The following WDR70 variants were observed in gnomAD, a reference collection of about 807,000 sequenced individuals.
WDR70 encodes the protein WD repeat-containing protein 70.
Under a neutral mutation model 88.6 loss-of-function variants are expected in WDR70, and 53 were observed. The ratio of observed to expected loss-of-function variants is 0.60; its 90% CI spans 0.48 to 0.75. The LOEUF (loss-of-function observed/expected upper bound fraction) is 0.75, where lower values mean the gene tolerates loss of function less well. Among genes scored for constraint, WDR70 ranks in the 30% least tolerant of loss-of-function variants. WDR70 has a pLI of 0.00. For missense variants in WDR70, 610 were observed against 823.2 expected, an observed-to-expected ratio of 0.74 and a Z score of 3.17; for synonymous variants, 280 against 270.0, an observed-to-expected ratio of 1.04 and a Z score of -0.36.
intron 8 of WDR70, among the ~76,000 whole-genome samples, chr5:37,483,095 G>T (rs1455427611): frequency 6.8e-6 from 1 of 146,168 alleles, no homozygotes; most frequent in Non-Finnish European, 1.5e-5. Context: ...AAAGAAAGTG[G>T]TCTCAGTTTT....
intron 4 of WDR70, among the ~76,000 whole-genome samples, chr5:37,396,056 C>A (rs1342240238): frequency 2.6e-5 from 4 of 152,196 alleles, no homozygotes; most frequent in Non-Finnish European, 5.9e-5. Flanking sequence ...GCCTTGGTCC[C>A]TGAAAGTGCT....
At chr5:37,418,530 C>T (rs1487101321) in intron 5 of WDR70, among the ~76,000 whole-genome samples, 13 of 152,022 alleles carry the variant, frequency 8.6e-5, no homozygotes, top group Admixed American at 8.5e-4. Flanking sequence ...CCGTGTTAGC[C>T]AGGATGGTAA....
At chr5:37,491,535 A>G (rs1740069028) in intron 8 of WDR70, among the ~76,000 whole-genome samples, 1 of 152,228 alleles carries the variant, frequency 6.6e-6, no homozygotes, top group Non-Finnish European at 1.5e-5. Context: ...AGGATACCTC[A>G]GAATGCTTGG....
chr5:37,550,293 CTTG>C (rs1205927223), intron 9 of WDR70, among the ~76,000 whole-genome samples: 1 of 152,068 alleles, frequency 6.6e-6, no homozygotes, highest in African/African-American at 2.4e-5. Context: ...CAAAATTATT[CTTG>C]TTATTAATTT....
intron 8 of WDR70, among the ~76,000 whole-genome samples, chr5:37,516,231 T>C (rs771888501): frequency 4.6e-5 from 7 of 152,238 alleles, no homozygotes; most frequent in Non-Finnish European, 7.3e-5. Context: ...AGAAAGGATG[T>C]CATTTTCCTC....
chr5:37,544,681 TTG>T (rs1741933433), intron 9 of WDR70, among the ~76,000 whole-genome samples: 1 of 152,212 alleles, frequency 6.6e-6, no homozygotes, highest in Non-Finnish European at 1.5e-5. Flanking sequence ...GGGATAATAC[TTG>T]ATTCCCAAGA....
At chr5:37,725,192 T>A in intron 16 of WDR70, 142 bp downstream of exon 16, 1 of 667,550 alleles carries the variant, frequency 1.5e-6, no homozygotes. Context: ...AATGTTTTCT[T>A]TTTAGTAACA....
At chr5:37,587,036 C>T (rs1000552400) in intron 9 of WDR70, among the ~76,000 whole-genome samples, 1 of 152,144 alleles carries the variant, frequency 6.6e-6, no homozygotes, top group Admixed American at 6.5e-5. Context: ...GTTTTCTCCT[C>T]ACTTTCCCTG....
intron 13 of WDR70, among the ~76,000 whole-genome samples, chr5:37,710,266 T>C (rs1363597913): frequency 6.6e-6 from 1 of 152,120 alleles, no homozygotes; most frequent in African/African-American, 2.4e-5. Context: ...TTTTAACACA[T>C]GTATGGATTC....
At chr5:37,611,812 T>C (rs935785146) in intron 10 of WDR70, among the ~76,000 whole-genome samples, 3 of 151,696 alleles carry the variant, frequency 2.0e-5, no homozygotes, top group African/African-American at 7.2e-5. Flanking sequence ...AAAACTTCTT[T>C]GACATACCAT....
rs1335061052 is a variant in WDR70 at position 37,724,980 on chromosome 5, G to C, written c.1644G>C (p.Arg548Ser). The change falls in exon 16 of 18, where the codon AGG becomes AGC. Residue 548 changes from arginine (R) to serine (S), a missense_variant. Arg to Ser is a moderately radical substitution (Grantham distance 110). This residue lies in a region of WDR70 where 70 missense variants were observed against 139.2 expected (regional missense o/e 0.50). Coordinates refer to ENST00000265107, the MANE Select transcript of WDR70 (RefSeq NM_018034.4). ...MFREPRQRST[R>S]KQLEKDRLDP... is the part of the protein sequence containing the mutation. Reference sequence around the variant, plus strand: ...GTGAGCCCCGCCAACGGAGTACAAGGAAACAGCTGGAGAAGGACAGACTGG... The same window carrying C: ...GTGAGCCCCGCCAACGGAGTACAAGCAAACAGCTGGAGAAGGACAGACTGG... 1 of 1,613,704 alleles carries C rather than the reference G, an allele frequency of 6.2e-7. No homozygotes were observed. The highest frequency in any genetic ancestry group is 1.1e-5 in the South Asian group (1 of 91,064).
chr5:37,713,294 AG>A (rs1747568919), intron 13 of WDR70, among the ~76,000 whole-genome samples: 1 of 152,176 alleles, frequency 6.6e-6, no homozygotes, highest in African/African-American at 2.4e-5. Context: ...TCCATTTCCT[AG>A]TATCATTTAA....
intron 7 of WDR70, among the ~76,000 whole-genome samples, chr5:37,462,855 GT>G (rs1217935622): frequency 6.6e-6 from 1 of 151,726 alleles, no homozygotes; most frequent in Non-Finnish European, 1.5e-5. Flanking sequence ...TATTTCTCAT[GT>G]TTTTTTCAGT....
chr5:37,682,671 A>G (rs753252192), intron 10 of WDR70, among the ~76,000 whole-genome samples: 55 of 152,022 alleles, frequency 3.6e-4, no homozygotes, highest in Admixed American at 1.2e-3. Flanking sequence ...CCTTAATATT[A>G]TTATTTATCC....
intron 9 of WDR70, among the ~76,000 whole-genome samples, chr5:37,592,089 G>A (rs930298931): frequency 6.6e-6 from 1 of 152,156 alleles, no homozygotes; most frequent in African/African-American, 2.4e-5. Flanking sequence ...TATCCAAAAT[G>A]TCTGGGCTCA....
chr5:37,490,480 C>T (rs1740034554), intron 8 of WDR70, among the ~76,000 whole-genome samples: 1 of 152,068 alleles, frequency 6.6e-6, no homozygotes. Context: ...CTCCACTTCC[C>T]CTATTCCCTG....
intron 9 of WDR70, among the ~76,000 whole-genome samples, chr5:37,567,099 T>C (rs1742767251): frequency 1.3e-5 from 2 of 152,200 alleles, no homozygotes; most frequent in African/African-American, 4.8e-5. Context: ...AATCAAGATA[T>C]TAGTTTTTAT....
intron 5 of WDR70, among the ~76,000 whole-genome samples, chr5:37,436,765 C>A (rs1009856026): frequency 2.0e-4 from 30 of 152,006 alleles, no homozygotes; most frequent in African/African-American, 7.2e-4. Flanking sequence ...AGTCAGTAGT[C>A]TTTTAGTTTT....
At chr5:37,571,430 CAA>C (rs1742902312) in intron 9 of WDR70, among the ~76,000 whole-genome samples, 1 of 152,094 alleles carries the variant, frequency 6.6e-6, no homozygotes, top group Non-Finnish European at 1.5e-5. Flanking sequence ...AACAGTCAGT[CAA>C]AGAGTCTGTT....
Sources: allele counts gnomAD v4.1 joint callset (sites outside exome capture counted in the v4.1 genomes callset), GRCh38; gene constraint gnomAD v4.1.1; regional missense constraint gnomAD v4.1.1; transcripts MANE v1.5; gene names NCBI Gene and HGNC (gene_info 2026-07-23, HGNC 2026-07-21).